CRY1: variants seen among roughly 807,000 people sequenced by gnomAD.
The protein encoded by CRY1 is cryptochrome-1.
Under a neutral mutation model 76.0 loss-of-function variants are expected in CRY1, and 45 were observed. That is an observed-to-expected ratio of 0.59 (90% CI 0.47 to 0.76). The LOEUF (loss-of-function observed/expected upper bound fraction) is 0.76. Among genes scored for constraint, CRY1 ranks in the 30% least tolerant of loss-of-function variants. The probability of loss-of-function intolerance (pLI) is 0.00; values close to 1 mark genes in which losing one functional copy is unlikely to be tolerated. For synonymous variants in CRY1, 248 were observed against 244.0 expected (o/e 1.02, Z -0.15); for missense variants, 587 against 716.4 (o/e 0.82, Z 2.06).
chr12:107,081,030 G>A (rs115758505), intron 1 of CRY1, among the ~76,000 whole-genome samples: 2,437 of 152,128 alleles, frequency 0.016, 70 homozygotes, highest in African/African-American at 0.056. Context: ...TAAAAAATGA[G>A]CAAAGTCTTT....
chr12:107,046,514 A>G (rs375630815), intron 1 of CRY1, among the ~76,000 whole-genome samples: 12 of 152,314 alleles, frequency 7.9e-5, no homozygotes, highest in African/African-American at 2.9e-4. Flanking sequence ...ACAAAGTGAC[A>G]GGAATAAGAC....
chr12:106,998,168 G>T, intron 7 of CRY1, 102 bp from the exon 8 acceptor site: 1 of 1,305,098 alleles, frequency 7.7e-7, no homozygotes, highest in Non-Finnish European at 1.1e-6. Context: ...AGAAAATCTA[G>T]CACAGAATTG....
chr12:107,018,677 A>C (rs1247001835), intron 2 of CRY1, among the ~76,000 whole-genome samples: 1 of 152,178 alleles, frequency 6.6e-6, no homozygotes, highest in African/African-American at 2.4e-5. Context: ...TTATGCACCT[A>C]GTCTCTAAAA....
At chr12:107,018,246 G>A (rs1952517854) in intron 2 of CRY1, among the ~76,000 whole-genome samples, 1 of 152,172 alleles carries the variant, frequency 6.6e-6, no homozygotes, top group African/African-American at 2.4e-5. Context: ...TAATGCTTCA[G>A]TGTGGCCATC....
chr12:107,026,131 T>TATATATTA (rs1183216609), intron 1 of CRY1, among the ~76,000 whole-genome samples: 1 of 24,588 alleles, frequency 4.1e-5, no homozygotes, highest in Non-Finnish European at 8.2e-5. Flanking sequence ...TTATATATAA[T>TATATATTA]TACATATATA....
intron 1 of CRY1, among the ~76,000 whole-genome samples, chr12:107,083,593 C>A (rs1296280794): frequency 1.3e-5 from 2 of 152,142 alleles, no homozygotes; most frequent in Non-Finnish European, 2.9e-5. Context: ...ACAAAAACCA[C>A]ACAATTATCT....
At chr12:107,055,105 G>C (rs1232253017) in intron 1 of CRY1, among the ~76,000 whole-genome samples, 1 of 151,760 alleles carries the variant, frequency 6.6e-6, no homozygotes, top group Non-Finnish European at 1.5e-5. Context: ...TATACACATG[G>C]AACATTTTTA....
chr12:107,075,519 G>A (rs1427859089), intron 1 of CRY1, among the ~76,000 whole-genome samples: 3 of 152,010 alleles, frequency 2.0e-5, no homozygotes, highest in Non-Finnish European at 2.9e-5. Flanking sequence ...CAACTTTAAC[G>A]AATAATAGGC....
intron 1 of CRY1, among the ~76,000 whole-genome samples, chr12:107,081,000 A>G (rs1953317203): frequency 6.6e-6 from 1 of 152,144 alleles, no homozygotes; most frequent in African/African-American, 2.4e-5. Flanking sequence ...AAAAAGTAGA[A>G]GAAAAGGTAA....
intron 1 of CRY1, among the ~76,000 whole-genome samples, chr12:107,072,132 T>C (rs1953197598): frequency 6.6e-6 from 1 of 152,100 alleles, no homozygotes; most frequent in South Asian, 2.1e-4. Context: ...CTCTTGTTTG[T>C]TCCTTTCTGC....
intron 10 of CRY1, among the ~76,000 whole-genome samples, 182 bp downstream of exon 10, chr12:106,997,112 A>T (rs912224369): frequency 1.1e-4 from 16 of 152,172 alleles, no homozygotes; most frequent in Non-Finnish European, 1.8e-4. Context: ...TCCATCTCTA[A>T]AATGTCATCA....
At chr12:107,080,262 G>A (rs1205326280) in intron 1 of CRY1, among the ~76,000 whole-genome samples, 1 of 152,082 alleles carries the variant, frequency 6.6e-6, no homozygotes, top group Non-Finnish European at 1.5e-5. Flanking sequence ...GTGCAATAGA[G>A]AAGGATGAAG....
At chr12:106,992,755 T>G (rs17038934) in intron 12 of CRY1, 32 bp downstream of exon 12, 10 of 1,550,392 alleles carry the variant, frequency 6.4e-6, no homozygotes, top group Non-Finnish European at 8.9e-6. Flanking sequence ...TATACTCTTC[T>G]AAAGCAAGAA....
At chr12:106,994,650 C>T (rs2136816719) in intron 10 of CRY1, among the ~76,000 whole-genome samples, 1 of 152,312 alleles carries the variant, frequency 6.6e-6, no homozygotes, top group Admixed American at 6.5e-5. Context: ...CCCAATTTAA[C>T]CTGCTACTAT....
intron 1 of CRY1, among the ~76,000 whole-genome samples, chr12:107,031,325 T>C (rs1033421538): frequency 2.0e-5 from 3 of 151,276 alleles, no homozygotes; most frequent in African/African-American, 7.3e-5. Context: ...ATAGATTCAA[T>C]ATAAAGCCTG....
intron 1 of CRY1, among the ~76,000 whole-genome samples, chr12:107,026,646 T>G (rs1029876497): frequency 6.6e-6 from 1 of 152,132 alleles, no homozygotes; most frequent in African/African-American, 2.4e-5. Context: ...AATGACCTAG[T>G]AGGGGTGTCT....
intron 1 of CRY1, among the ~76,000 whole-genome samples, chr12:107,028,256 T>A (rs1037857236): frequency 5.9e-5 from 9 of 152,192 alleles, no homozygotes; most frequent in African/African-American, 2.2e-4. Context: ...TGTGTGTGTG[T>A]AAATTTAATA....
intron 1 of CRY1, among the ~76,000 whole-genome samples, chr12:107,043,730 T>C (rs1165040031): frequency 6.6e-6 from 1 of 152,136 alleles, no homozygotes; most frequent in East Asian, 1.9e-4. Flanking sequence ...CAGGGTCCAA[T>C]GACAGCTGTG....
intron 1 of CRY1, among the ~76,000 whole-genome samples, chr12:107,063,286 G>C (rs2136885608): frequency 6.6e-6 from 1 of 152,302 alleles, no homozygotes; most frequent in African/African-American, 2.4e-5. Context: ...TTCTAGCTTA[G>C]GAGCTGAGAG....
Sources: gnomAD v4.1 joint callset for allele counts (sites outside exome capture counted in the v4.1 genomes callset) on GRCh38, gnomAD v4.1.1 for gene constraint, MANE v1.5 for transcripts, NCBI Gene and HGNC (gene_info 2026-07-23, HGNC 2026-07-21) for gene names.